TRHDE: variants seen among roughly 807,000 people sequenced by gnomAD.
TRHDE encodes thyrotropin releasing hormone degrading enzyme, also known as thyrotropin-releasing hormone-degrading ectoenzyme.
In TRHDE, 72 loss-of-function variants were observed where a neutral mutation model predicts 125.7. That is an observed-to-expected ratio of 0.57 (90% confidence interval 0.47 to 0.70). The LOEUF is 0.70. Among genes scored for constraint, TRHDE ranks in the 30% least tolerant of loss-of-function variants. TRHDE has a pLI of 0.00. For synonymous variants in TRHDE, 509 were observed against 509.1 expected (o/e 1.00, Z 0.00); for missense variants, 1,110 against 1,327.1 (o/e 0.84, Z 2.54).
intron 2 of TRHDE, among the ~76,000 whole-genome samples, chr12:72,373,313 A>T (rs780957054): frequency 3.3e-5 from 5 of 152,144 alleles, no homozygotes; most frequent in Middle Eastern, 3.2e-3. Flanking sequence ...GGTTTTCTAG[A>T]TATACAATTA....
At chr12:72,179,279 A>C (rs532520201) in intron 2 of TRHDE, among the ~76,000 whole-genome samples, 20 of 152,252 alleles carry the variant, frequency 1.3e-4, no homozygotes, top group Non-Finnish European at 2.2e-4. Context: ...TAGAATTTAC[A>C]TCAGTAACAT....
Position 72,273,310 on chromosome 12 carries a change from C to A in TRHDE, c.667C>A (p.Arg223Ser). Residue 223 changes from arginine to serine, a missense_variant, in exon 1 of 19, where the codon CGC becomes AGC. Arg to Ser is a moderately radical substitution (Grantham distance 110). This residue lies in a region of TRHDE where 72 missense variants were observed against 122.2 expected (regional missense o/e 0.59). Transcript: ENST00000261180. This position sits in a 1 kb window ranked among gnomAD's most constrained non-coding sequence, Gnocchi z 5.3. ...NVEIACRNAT[R>S]YVVLHASRVA... ...GGAGATCGCGTGCCGGAACGCCACCCGCTACGTAGTGCTGCACGCTTCCCG... is the reference window on the plus strand; with the variant it reads ...GGAGATCGCGTGCCGGAACGCCACCAGCTACGTAGTGCTGCACGCTTCCCG... 1 of 1,613,760 alleles carries A rather than the reference C, an allele frequency of 6.2e-7. No individual in the cohort carries two copies. Among genetic ancestry groups the A allele is most frequent in the Non-Finnish European group, 8.5e-7 (1 of 1,179,940 alleles).
At chr12:72,489,363 A>T (rs982318110) in intron 5 of TRHDE, among the ~76,000 whole-genome samples, 1 of 151,926 alleles carries the variant, frequency 6.6e-6, no homozygotes, top group African/African-American at 2.4e-5. Flanking sequence ...AATAAATGGA[A>T]ATAAATCACA....
intron 10 of TRHDE, among the ~76,000 whole-genome samples, chr12:72,569,609 G>T (rs1171892637): frequency 1.3e-5 from 2 of 152,152 alleles, no homozygotes; most frequent in African/African-American, 4.8e-5. Context: ...CGTTGTTACA[G>T]TAAAATCTAA....
intron 6 of TRHDE, among the ~76,000 whole-genome samples, chr12:72,538,142 A>G (rs1296279935): frequency 6.6e-6 from 1 of 152,030 alleles, no homozygotes; most frequent in East Asian, 1.9e-4. Context: ...TCTACCAAAG[A>G]AAATCACAAA....
At chr12:72,320,125 G>T (rs1377918736) in intron 2 of TRHDE, among the ~76,000 whole-genome samples, 1 of 151,822 alleles carries the variant, frequency 6.6e-6, no homozygotes, top group African/African-American at 2.4e-5. Context: ...TTTTAGTCTT[G>T]TAAATTGCTT....
intron 3 of TRHDE, among the ~76,000 whole-genome samples, chr12:72,415,525 T>G (rs956661513): frequency 6.6e-6 from 1 of 151,930 alleles, no homozygotes; most frequent in African/African-American, 2.4e-5. Context: ...TCTTCCTCCT[T>G]TCTGCTCCCC....
upstream of TRHDE, chr12:72,271,760 C>G (rs970401614): frequency 5.2e-6 from 2 of 382,772 alleles, no homozygotes; most frequent in African/African-American, 4.2e-5. Flanking sequence ...TGCACACGCG[C>G]TCGGACATAC....
intron 2 of TRHDE, among the ~76,000 whole-genome samples, chr12:72,227,817 G>A (rs149665067): frequency 1.3e-5 from 2 of 152,282 alleles, no homozygotes; most frequent in African/African-American, 2.4e-5. Context: ...AAATGAAGGG[G>A]CTACAGGACC....
chr12:72,617,435 G>T (rs1872866114), intron 12 of TRHDE, among the ~76,000 whole-genome samples: 1 of 152,076 alleles, frequency 6.6e-6, no homozygotes, highest in African/African-American at 2.4e-5. Flanking sequence ...AGACTAAATG[G>T]AAAAATTATT....
chr12:72,348,014 A>G (rs1428109747), intron 2 of TRHDE, among the ~76,000 whole-genome samples: 2 of 151,950 alleles, frequency 1.3e-5, no homozygotes, highest in African/African-American at 2.4e-5. Flanking sequence ...TTATGTAAGG[A>G]TTTGCACTTG....
rs770131955 is a variant in TRHDE at position 72,575,491 on chromosome 12, T to C, written c.2270T>C (p.Leu757Pro). 5 of 1,613,732 alleles carry C rather than the reference T, an allele frequency of 3.1e-6. No homozygotes were observed. The highest frequency in any genetic ancestry group is 4.2e-6 in the Non-Finnish European group (5 of 1,179,752). ...IDQLIRNHEVLSVSNRAGLID... is the reference protein window; with the variant it reads ...IDQLIRNHEVPSVSNRAGLID... The stretch of plus-strand genomic sequence containing the variant: ...ATTTTTTCTAATTGGCCTCAGGTTC[T>C]TTCTGTCAGTAACCGAGCGGGCTTG... Residue 757 changes from leucine (L) to proline (P), a missense_variant, in exon 12 of 19, where the codon CTT (leucine) becomes CCT (proline). Leu to Pro is a moderately conservative substitution (Grantham distance 98). Around this residue, in one of 5 missense-constraint regions of TRHDE, gnomAD observed 527 missense variants for 651.8 expected, o/e 0.81. Transcript: ENST00000261180.
At chr12:72,578,334 G>T (rs1218479086) in intron 12 of TRHDE, among the ~76,000 whole-genome samples, 4 of 152,088 alleles carry the variant, frequency 2.6e-5, no homozygotes, top group African/African-American at 9.7e-5. Context: ...GGAGGAAGTA[G>T]TTCAACCCCA....
chr12:72,566,282 ATAGAG>A (rs561783208), intron 9 of TRHDE, among the ~76,000 whole-genome samples: 101 of 151,816 alleles, frequency 6.7e-4, no homozygotes, highest in African/African-American at 2.3e-3. Context: ...AGAAACACAC[ATAGAG>A]TAGAGAAAAA....
In TRHDE at chr12:72,451,317, G is replaced by C. The variant is rs368479100; in HGVS notation, c.1316-18441G>C. 3.9e-5 allele frequency among the ~76,000 whole-genome samples: 6 copies of C among 152,178 alleles called. No homozygotes were observed. In the South Asian group the frequency reaches 1.2e-3, roughly 32 times the overall value. On this transcript the variant is annotated intron_variant, in intron 3 of 18. Coordinates refer to ENST00000261180, the MANE Select transcript of TRHDE (RefSeq NM_013381.3). The stretch of plus-strand genomic sequence containing the variant: ...GACTTGTGTATATGGTATGAGATCA[G>C]GGTCTAATTTCATTATTCTGCATGT...
chr12:72,348,709 G>A (rs1048851052), intron 2 of TRHDE, among the ~76,000 whole-genome samples: 1 of 152,030 alleles, frequency 6.6e-6, no homozygotes, highest in African/African-American at 2.4e-5. Context: ...ATTAAAAAAT[G>A]CATTTAAGTG....
intron 6 of TRHDE, among the ~76,000 whole-genome samples, chr12:72,531,511 G>T (rs549901517): frequency 2.0e-5 from 3 of 151,670 alleles, no homozygotes; most frequent in African/African-American, 7.3e-5. Context: ...TTTTTGTTTT[G>T]TTTTGCTTAA....
intron 2 of TRHDE, among the ~76,000 whole-genome samples, chr12:72,219,490 A>G (rs1482456016): frequency 1.3e-5 from 2 of 152,116 alleles, no homozygotes; most frequent in East Asian, 1.9e-4. Flanking sequence ...TCAGGGAAGG[A>G]TTCCAATTGG....
At chr12:72,546,462 T>A (rs1467835823) in intron 7 of TRHDE, among the ~76,000 whole-genome samples, 2 of 151,636 alleles carry the variant, frequency 1.3e-5, no homozygotes, top group African/African-American at 4.8e-5. Context: ...GTGCTTATTC[T>A]TCAGTTTAGG....
Sources: allele counts gnomAD v4.1 joint callset (sites outside exome capture counted in the v4.1 genomes callset), GRCh38; gene constraint gnomAD v4.1.1; regional missense constraint gnomAD v4.1.1; non-coding constraint Gnocchi (gnomAD v3.1); transcripts MANE v1.5; gene names NCBI Gene and HGNC (gene_info 2026-07-23, HGNC 2026-07-21).